Variants in ADAM9 observed in about 807,000 individuals in gnomAD.
ADAM9 encodes ADAM metallopeptidase domain 9.
In ADAM9, 54 loss-of-function variants were observed where a neutral mutation model predicts 108.1. The observed-to-expected ratio is 0.50, with a 90% CI of 0.40 to 0.63. The LOEUF is 0.63. ADAM9 is among the 20% of genes least tolerant of loss of function. ADAM9 has a pLI of 0.00. For missense variants in ADAM9, 830 were observed against 997.7 expected (o/e 0.83, Z 2.26); for synonymous variants, 316 against 336.0 (o/e 0.94, Z 0.65).
intron 12 of ADAM9, among the ~76,000 whole-genome samples, chr8:39,045,408 G>A (rs1837704518): frequency 1.5e-5 from 2 of 134,434 alleles, no homozygotes; most frequent in Non-Finnish European, 3.1e-5. Flanking sequence ...ACACCTATAT[G>A]TGCGCGTGTG....
chr8:39,067,642 G>C (rs1445232142), intron 14 of ADAM9, among the ~76,000 whole-genome samples: 7 of 152,158 alleles, frequency 4.6e-5, no homozygotes, highest in South Asian at 2.1e-4. Flanking sequence ...AGGAGATTTT[G>C]GGCTGAGACG....
In ADAM9 at chr8:39,104,958, A is replaced by G. The variant is rs773112666; in HGVS notation, c.*1258A>G. 8 of 427,054 alleles carry G rather than the reference A, an allele frequency of 1.9e-5. No individual in the cohort carries two copies. Among genetic ancestry groups the G allele is most frequent in the Non-Finnish European group, 3.2e-5 (7 of 219,684 alleles). The allele number at this position is 427,054 out of a possible 1,614,324, so 26.5% of individuals were successfully genotyped here. On this transcript the variant is annotated 3_prime_UTR_variant, in exon 22 of 22. Transcript: ENST00000487273. ...GTTTTTGGTTTGTGTATATATACAT[A>G]TACAAATACAACATTTACAATAAAT...
chr8:39,085,584 T>C (rs1457934416), intron 18 of ADAM9, among the ~76,000 whole-genome samples: 1 of 150,422 alleles, frequency 6.6e-6, no homozygotes. Context: ...GCTTGAATAA[T>C]AATTTAACTG....
chr8:39,023,076 G>A, intron 8 of ADAM9, 80 bp from the exon 9 acceptor site: 2 of 1,244,774 alleles, frequency 1.6e-6, no homozygotes, highest in Non-Finnish European at 2.3e-6. Context: ...AATTTAAGTA[G>A]CCGTGTTACT....
Position 39,054,602 on chromosome 8 carries a change from G to GAAAAAAAAA in ADAM9, c.1395+41_1395+49dup, listed in dbSNP as rs755442483. 1,013 of 944,996 alleles carry GAAAAAAAAA rather than the reference G, an allele frequency of 1.1e-3. 1 individual carries two copies. The highest frequency in any genetic ancestry group is 3.5e-3 in the East Asian group (105 of 29,730). 58.5% of individuals were successfully genotyped at this position (944,996 alleles called of 1,614,324 possible). ...AGGAATTCCTCCCTTTTGGAAACAGGAAAAAAAAAAAAAAAAAAAAGAAAA... is the reference window on the plus strand; with the variant it reads ...AGGAATTCCTCCCTTTTGGAAACAGGAAAAAAAAAAAAAAAAAAAAAAAAAAAAAGAAAA... On this transcript the variant is annotated intron_variant, in intron 13 of 21. Transcript: ENST00000487273.
chr8:39,094,951 GGC>G (rs1839456657), intron 20 of ADAM9, among the ~76,000 whole-genome samples: 1 of 151,758 alleles, frequency 6.6e-6, no homozygotes, highest in East Asian at 1.9e-4. Context: ...ACTAACTTTA[GGC>G]TCAGATTGTT....
chr8:39,014,804 C>G (rs1000342851), intron 4 of ADAM9: 4 of 407,316 alleles, frequency 9.8e-6, no homozygotes, highest in Middle Eastern at 6.0e-4. Flanking sequence ...CAGCATTCTT[C>G]AAATAGGAGG....
At chr8:39,092,087 T>A (rs1839374683) in intron 20 of ADAM9, among the ~76,000 whole-genome samples, 2 of 152,214 alleles carry the variant, frequency 1.3e-5, no homozygotes, top group Middle Eastern at 3.2e-3. Flanking sequence ...CATGATATAC[T>A]TTTATTGAGT....
In ADAM9 at chr8:39,025,886, T is replaced by A. The variant is rs1352289184; in HGVS notation, c.996+2T>A. ...AGCCACGCAGGCGGGATTAATGTGG[T>A]ACGTTGTTCTTGATGTTTAACTTTG... On this transcript the variant is annotated splice_donor_variant, in intron 10 of 21. Coordinates refer to ENST00000487273, the MANE Select transcript of ADAM9 (RefSeq NM_003816.3). LOFTEE classifies it high-confidence loss of function. 6.2e-7 allele frequency: 1 copy of A among 1,613,854 alleles called. No homozygotes were observed.
intron 20 of ADAM9, among the ~76,000 whole-genome samples, chr8:39,100,862 T>C (rs1454840038): frequency 1.3e-5 from 2 of 152,240 alleles, no homozygotes; most frequent in African/African-American, 4.8e-5. Context: ...TCCTAACGTC[T>C]TATAGTGTAA....
rs1268994669 is a variant in ADAM9, at chr8:39,045,194, ATATG to A, written c.1302+3079_1302+3082del. Among the ~76,000 whole-genome samples the A allele has an allele frequency of 9.2e-4, 80 of 86,676 alleles. 10 individuals carry two copies. The highest frequency in any genetic ancestry group is 1.5e-3 in the Non-Finnish European group (53 of 36,362). 56.9% of individuals were successfully genotyped at this position (86,676 alleles called of 152,430 possible). ...TGTGTATATATGTGTATACATACAT[ATATG>A]TGTATATATGTGTATACATACATAT... is the stretch of plus-strand genomic sequence containing the variant. On this transcript the variant is annotated intron_variant, in intron 12 of 21. Coordinates refer to ENST00000487273, the MANE Select transcript of ADAM9 (RefSeq NM_003816.3).
intron 14 of ADAM9, among the ~76,000 whole-genome samples, chr8:39,062,609 C>G (rs1344597739): frequency 1.3e-5 from 2 of 152,178 alleles, no homozygotes; most frequent in Non-Finnish European, 2.9e-5. Context: ...AACCTTGGCT[C>G]TCCATTATGC....
intron 15 of ADAM9, among the ~76,000 whole-genome samples, chr8:39,074,142 A>G (rs1056684495): frequency 6.6e-5 from 10 of 152,292 alleles, no homozygotes; most frequent in Admixed American, 6.5e-4. Flanking sequence ...AAAATCTGGA[A>G]AAGTCTTTTC....
chr8:39,050,654 A>T (rs1279323664), intron 12 of ADAM9, among the ~76,000 whole-genome samples: 1 of 151,834 alleles, frequency 6.6e-6, no homozygotes, highest in East Asian at 1.9e-4. Context: ...TCAAACTTTC[A>T]TGTTTGTTAT....
At chr8:39,088,239 GATAA>G (rs57237434) in intron 18 of ADAM9, among the ~76,000 whole-genome samples, 35,597 of 151,068 alleles carry the variant, frequency 0.24, 4,464 homozygotes, top group South Asian at 0.31. Flanking sequence ...TTTCAGTTGG[GATAA>G]ATATTGTTTC....
chr8:39,065,553 G>A (rs937828883), intron 14 of ADAM9, among the ~76,000 whole-genome samples: 2 of 151,052 alleles, frequency 1.3e-5, no homozygotes, highest in Non-Finnish European at 1.5e-5. Context: ...CCAGCTACTC[G>A]GGAGGCTGAG....
chr8:39,099,869 G>A (rs545549826), intron 20 of ADAM9, among the ~76,000 whole-genome samples: 3 of 116,738 alleles, frequency 2.6e-5, no homozygotes, highest in Non-Finnish European at 3.4e-5. Context: ...TTGGGGTATC[G>A]TGTTTGTTTT....
At chr8:39,051,183 T>G (rs1162021122) in intron 12 of ADAM9, among the ~76,000 whole-genome samples, 1 of 152,170 alleles carries the variant, frequency 6.6e-6, no homozygotes, top group Non-Finnish European at 1.5e-5. Context: ...TAGAAGGTAG[T>G]CCCTCAGGAA....
chr8:39,067,664 T>C (rs1271059616), intron 14 of ADAM9, among the ~76,000 whole-genome samples: 1 of 152,228 alleles, frequency 6.6e-6, no homozygotes, highest in African/African-American at 2.4e-5. Flanking sequence ...TGGGGTTTTC[T>C]AGATGTACAA....
Sources: allele counts gnomAD v4.1 joint callset (sites outside exome capture counted in the v4.1 genomes callset), GRCh38; gene constraint gnomAD v4.1.1; transcripts MANE v1.5; gene names NCBI Gene and HGNC (gene_info 2026-07-23, HGNC 2026-07-21).